STK3: variants seen among roughly 807,000 people sequenced by gnomAD.
The protein encoded by STK3 is serine/threonine-protein kinase 3.
In STK3, 41 loss-of-function variants were observed where a neutral mutation model predicts 58.0. The ratio of observed to expected loss-of-function variants is 0.71; its 90% confidence interval spans 0.55 to 0.92. The LOEUF (loss-of-function observed/expected upper bound fraction) is 0.92, where lower values mean the gene tolerates loss of function less well. Ranked by LOEUF, STK3 falls within the 40% of genes least tolerant of loss-of-function variation. The pLI, the probability that STK3 is intolerant of heterozygous loss-of-function variation, is 0.00. For missense variants in STK3, 479 were observed against 602.7 expected, an observed-to-expected ratio of 0.79 and a Z score of 2.15; for synonymous variants, 170 against 191.0, an observed-to-expected ratio of 0.89 and a Z score of 0.91.
At chr8:98,916,917 A>C (rs1839366803) in intron 1 of STK3, among the ~76,000 whole-genome samples, 2 of 152,138 alleles carry the variant, frequency 1.3e-5, no homozygotes, top group African/African-American at 2.4e-5. Flanking sequence ...TTTGATGGGG[A>C]TTTGGGAGCT....
intron 1 of STK3, among the ~76,000 whole-genome samples, chr8:98,921,731 A>T (rs62532613): frequency 6.6e-6 from 1 of 151,624 alleles, no homozygotes; most frequent in Non-Finnish European, 1.5e-5. Context: ...TCACTCTATC[A>T]CCCAGGTTGG....
At chr8:98,587,283 T>A (rs964906587) in intron 7 of STK3, among the ~76,000 whole-genome samples, 1 of 152,068 alleles carries the variant, frequency 6.6e-6, no homozygotes, top group African/African-American at 2.4e-5. Flanking sequence ...GTCCCAGAGA[T>A]TCTGGTATGT....
chr8:98,445,070 A>G (rs1818878653), intron 1 of STK3, among the ~76,000 whole-genome samples: 1 of 152,274 alleles, frequency 6.6e-6, no homozygotes, highest in South Asian at 2.1e-4. Context: ...TTTTATGATT[A>G]TAATATAGCT....
At chr8:98,405,229 C>A (rs922451201) in intron 3 of STK3, among the ~76,000 whole-genome samples, 1 of 152,198 alleles carries the variant, frequency 6.6e-6, no homozygotes, top group African/African-American at 2.4e-5. Context: ...CCTTATCCCA[C>A]CCTCTCTCAC....
At chr8:98,632,639 T>A (rs989113608) in intron 6 of STK3, among the ~76,000 whole-genome samples, 2 of 152,354 alleles carry the variant, frequency 1.3e-5, no homozygotes, top group East Asian at 3.9e-4. Flanking sequence ...ATTTTAGATG[T>A]TAACCTAAAT....
chr8:98,724,821 G>A (rs1309143588), intron 4 of STK3, among the ~76,000 whole-genome samples: 1 of 152,100 alleles, frequency 6.6e-6, no homozygotes, highest in Non-Finnish European at 1.5e-5. Flanking sequence ...AAGCCAAAAG[G>A]TGCCAAAAGC....
intron 7 of STK3, among the ~76,000 whole-genome samples, chr8:98,582,400 C>G (rs73275874): frequency 0.018 from 2,710 of 151,870 alleles, 77 homozygotes; most frequent in African/African-American, 0.062. Context: ...GTATTCAAAT[C>G]ATCCATTTTT....
Position 98,597,213 on chromosome 8 carries a change from G to A in STK3, c.685-1044C>T, listed in dbSNP as rs1389103664. The stretch of plus-strand genomic sequence containing the variant: ...CTTTTGAATGCCCTCAGAATATGCA[G>A]CCATTTAATATAATGCATTATCATT... On this transcript the variant is annotated intron_variant, in intron 6 of 10. Transcript: ENST00000419617. The A allele has an allele frequency of 6.6e-6, 6 of 910,042 alleles. No individual in the cohort carries two copies. The African/African-American group carries it at 7.2e-5, about 11-fold the overall frequency. 56.4% of individuals were successfully genotyped at this position (910,042 alleles called of 1,614,324 possible).
chr8:98,888,716 A>G (rs1483359985), intron 1 of STK3, among the ~76,000 whole-genome samples: 5 of 152,238 alleles, frequency 3.3e-5, no homozygotes, highest in African/African-American at 1.2e-4. Flanking sequence ...TTAGAAACCC[A>G]ATTTTCAAGT....
At chr8:98,883,685 T>C (rs768080356), downstream of STK3, 6 of 702,868 alleles carry the variant, frequency 8.5e-6, no homozygotes, top group African/African-American at 1.7e-5. Context: ...TGCTCCATTC[T>C]TTTTTCTTGA....
At chr8:98,878,629 C>A (rs1377246110) in intron 3 of STK3, among the ~76,000 whole-genome samples, 1 of 152,156 alleles carries the variant, frequency 6.6e-6, no homozygotes, top group East Asian at 1.9e-4. Flanking sequence ...AAGAACACAG[C>A]AGCAGGGGCC....
At chr8:98,520,392 T>C (rs754173446) in intron 10 of STK3, among the ~76,000 whole-genome samples, 3 of 152,096 alleles carry the variant, frequency 2.0e-5, no homozygotes, top group Non-Finnish European at 2.9e-5. Flanking sequence ...ATGCTAACGA[T>C]TTAAAAGGAA....
the STK3 span, among the ~76,000 whole-genome samples, chr8:98,353,766 T>C: frequency 6.6e-6 from 1 of 152,058 alleles, no homozygotes; most frequent in Non-Finnish European, 1.5e-5. Context: ...AATGAACAAA[T>C]ATAGGTAGAT....
At chr8:98,628,616 G>A (rs989528350) in intron 6 of STK3, among the ~76,000 whole-genome samples, 5 of 151,966 alleles carry the variant, frequency 3.3e-5, no homozygotes, top group Admixed American at 1.3e-4. Flanking sequence ...GGGCAAAATA[G>A]CGCAACCCTA....
rs913664536 is a variant in STK3 at position 98,455,997 on chromosome 8, T to C, written c.1321A>G (p.Lys441Glu). The stretch of plus-strand genomic sequence containing the variant: ...TGTAGTTCTTCTAAACTTAGATTTT[T>C]CAACTAGATACAGAAAGAAAGATAC... ...VPQDGDFDFL[K>E]NLSLEELQMR... The change falls in exon 11 of 11, where the codon AAA becomes GAA. Residue 441 changes from lysine (K) to glutamate (E), a missense_variant. By Grantham distance (56) the Lys-to-Glu change is moderately conservative. Transcript: ENST00000419617. The C allele has an allele frequency of 1.2e-6, 2 of 1,604,744 alleles. No individual in the cohort carries two copies. The highest frequency in any genetic ancestry group is 1.7e-6 in the Non-Finnish European group (2 of 1,175,206).
intron 1 of STK3, among the ~76,000 whole-genome samples, chr8:98,442,100 C>T (rs995204121): frequency 6.6e-6 from 1 of 152,248 alleles, no homozygotes; most frequent in African/African-American, 2.4e-5. Context: ...TTCATCTTCT[C>T]ACTCTTCTTT....
downstream of STK3, among the ~76,000 whole-genome samples, chr8:98,451,984 C>T (rs779384176): frequency 4.6e-5 from 7 of 150,680 alleles, no homozygotes; most frequent in African/African-American, 1.5e-4. Context: ...TTTAGTAATG[C>T]GATATAACTC....
intron 1 of STK3, among the ~76,000 whole-genome samples, chr8:98,812,684 C>T (rs944656617): frequency 4.6e-5 from 7 of 152,200 alleles, no homozygotes; most frequent in Non-Finnish European, 8.8e-5. Context: ...GGCACATATA[C>T]ACCATGGAAT....
At chr8:98,685,411 C>T (rs1156471047) in intron 6 of STK3, among the ~76,000 whole-genome samples, 1 of 152,130 alleles carries the variant, frequency 6.6e-6, no homozygotes, top group East Asian at 1.9e-4. Flanking sequence ...TCAGGGGTGA[C>T]CCCAGCAGGC....
Sources: gnomAD v4.1 joint callset for allele counts (sites outside exome capture counted in the v4.1 genomes callset) on GRCh38, gnomAD v4.1.1 for gene constraint, MANE v1.5 for transcripts, NCBI Gene and HGNC (gene_info 2026-07-23, HGNC 2026-07-21) for gene names.